Variants in FNBP4 observed in about 807,000 individuals in gnomAD.
FNBP4 encodes formin binding protein 4.
Under a neutral mutation model 119.3 loss-of-function variants are expected in FNBP4, and 34 were observed. The observed-to-expected ratio is 0.28, with a 90% CI of 0.22 to 0.38. The LOEUF is 0.38. Ranked by LOEUF, FNBP4 falls within the 10% of genes least tolerant of loss-of-function variation. The pLI, the probability that FNBP4 is intolerant of heterozygous loss-of-function variation, is 1.00. For missense variants in FNBP4, 1,112 were observed against 1,228.9 expected, an observed-to-expected ratio of 0.90 and a Z score of 1.42; for synonymous variants, 462 against 430.6, an observed-to-expected ratio of 1.07 and a Z score of -0.90.
intron 2 of FNBP4, among the ~76,000 whole-genome samples, chr11:47,760,662 G>A (rs1486996747): frequency 6.6e-6 from 1 of 152,016 alleles, no homozygotes; most frequent in African/African-American, 2.4e-5. Flanking sequence ...TAGAACTCCC[G>A]ACCTCAGGTG....
At chr11:47,728,407 A>G (rs1599169995) in intron 12 of FNBP4, among the ~76,000 whole-genome samples, 2 of 151,618 alleles carry the variant, frequency 1.3e-5, no homozygotes, top group African/African-American at 4.8e-5. Context: ...CCGCCACGAC[A>G]CCTGGCTAAT....
At chr11:47,758,000 G>A (rs989839455) in intron 2 of FNBP4, among the ~76,000 whole-genome samples, 1 of 152,154 alleles carries the variant, frequency 6.6e-6, no homozygotes, top group Non-Finnish European at 1.5e-5. Context: ...ATTTTATGCA[G>A]AGATGGAATC....
In FNBP4 at chr11:47,750,991, T is replaced by A; in HGVS notation, c.831A>T (p.Ile277=). 6.2e-7 allele frequency: 1 copy of A among 1,614,052 alleles called. No individual in the cohort carries two copies. Among genetic ancestry groups the A allele is most frequent in the East Asian group, 2.2e-5 (1 of 44,866 alleles). Residue 277 remains isoleucine, a synonymous_variant, in exon 6 of 17, where the codon ATA becomes ATT. Transcript: ENST00000263773. ...CAGAAATCGTTTTCTCCTTAGAATA[T>A]ATGTCTGTATTTACCACAAAACTAG... The part of the protein sequence containing the change: ...AETSFVVNTD[I]YSKEKTISVS...
In FNBP4 at chr11:47,723,765, G is replaced by A. The variant is rs376350147; in HGVS notation, c.2464+263C>T. Among the ~76,000 whole-genome samples, 14 of 152,062 alleles carry A rather than the reference G, an allele frequency of 9.2e-5. 1 individual carries two copies. In the East Asian group the frequency reaches 2.5e-3, roughly 27 times the overall value. On this transcript the variant is annotated intron_variant, in intron 14 of 16. Coordinates refer to ENST00000263773, the MANE Select transcript of FNBP4 (RefSeq NM_015308.5). Reference sequence around the variant, plus strand: ...TTTTTTGTAGACAGGCTTTTGCCGTGTTGCCCAGGCTGGTCTCCAACTCCT... The same window carrying A: ...TTTTTTGTAGACAGGCTTTTGCCGTATTGCCCAGGCTGGTCTCCAACTCCT...
intron 16 of FNBP4, among the ~76,000 whole-genome samples, 189 bp downstream of exon 16, chr11:47,719,740 G>C (rs1355194790): frequency 2.0e-5 from 3 of 152,000 alleles, no homozygotes; most frequent in African/African-American, 4.8e-5. Flanking sequence ...TTGAAAAAAG[G>C]CTAGCCCATA....
chr11:47,726,564 C>G (rs1056431137), intron 12 of FNBP4: 13 of 152,036 alleles, frequency 8.6e-5, no homozygotes, highest in African/African-American at 3.1e-4. Flanking sequence ...TTTAAGACAG[C>G]TGCTTACTGC....
intron 6 of FNBP4, among the ~76,000 whole-genome samples, chr11:47,749,543 A>T (rs1031398308): frequency 6.6e-6 from 1 of 152,166 alleles, no homozygotes; most frequent in Non-Finnish European, 1.5e-5. Flanking sequence ...GTAACCAAGC[A>T]AGACTCTGTC....
At chr11:47,721,045 G>A (rs1332099356) in intron 15 of FNBP4, among the ~76,000 whole-genome samples, 2 of 151,828 alleles carry the variant, frequency 1.3e-5, no homozygotes, top group Non-Finnish European at 2.9e-5. Flanking sequence ...TAAAAATATC[G>A]GCTGGGCACG....
chr11:47,763,746 T>C (rs1348345555), intron 2 of FNBP4, among the ~76,000 whole-genome samples: 1 of 152,032 alleles, frequency 6.6e-6, no homozygotes, highest in East Asian at 1.9e-4. Flanking sequence ...ATTATCCACC[T>C]GCCTCGGCCT....
Position 47,723,297 on chromosome 11 carries a change from A to G in FNBP4, c.2484T>C (p.Ile828=), listed in dbSNP as rs780328249. Residue 828 remains isoleucine (I), a synonymous_variant, in exon 15 of 17, where the codon ATT becomes ATC. Coordinates refer to ENST00000263773, the MANE Select transcript of FNBP4 (RefSeq NM_015308.5). ...AIATGHQAAG[I]GNQATGIGHQ... ...GTCCAATTCCTGTTGCCTGGTTTCC[A>G]ATCCCTGCTGCCTGGTGACCTAACA... 1 of 1,610,764 alleles carries G rather than the reference A, an allele frequency of 6.2e-7. No individual in the cohort carries two copies. Among genetic ancestry groups the G allele is most frequent in the African/African-American group, 1.3e-5 (1 of 74,986 alleles).
chr11:47,760,948 A>G (rs1437973023), intron 2 of FNBP4, among the ~76,000 whole-genome samples: 3 of 152,236 alleles, frequency 2.0e-5, no homozygotes, highest in Admixed American at 2.0e-4. Context: ...CTTTGAGACT[A>G]TAATACCAAG....
chr11:47,747,622 G>GT (rs2097593183), intron 6 of FNBP4, among the ~76,000 whole-genome samples: 3 of 152,086 alleles, frequency 2.0e-5, no homozygotes, highest in Non-Finnish European at 2.9e-5. Flanking sequence ...AGAAAATTTA[G>GT]TAAGTATGCC....
At chr11:47,739,690 C>A (rs115274936) in intron 8 of FNBP4, among the ~76,000 whole-genome samples, 2 of 152,106 alleles carry the variant, frequency 1.3e-5, no homozygotes, top group African/African-American at 2.4e-5. Context: ...TTTGGGGGAG[C>A]GAGGCAGGAG....
chr11:47,722,850 CAA>C, intron 15 of FNBP4, 124 bp downstream of exon 15: 1 of 1,143,944 alleles, frequency 8.7e-7, no homozygotes, highest in Non-Finnish European at 1.2e-6. Flanking sequence ...CTCGGCCTCC[CAA>C]AGTGCTGGGA....
rs754291716 is a variant in FNBP4, at chr11:47,754,692, G to C, written c.314-28C>G. 1.9e-6 allele frequency: 3 copies of C among 1,608,644 alleles called. No homozygotes were observed. In the Admixed American group the frequency reaches 5.1e-5, roughly 28 times the overall value. ...AGAAACAAAAAGGTAAACAGTATTT[G>C]TAACAACAATGTCAATATGTCCTAA... On this transcript the variant is annotated intron_variant, in intron 2 of 16. Transcript: ENST00000263773.
intron 6 of FNBP4, among the ~76,000 whole-genome samples, chr11:47,749,096 A>C (rs919996157): frequency 2.0e-5 from 3 of 149,280 alleles, no homozygotes; most frequent in African/African-American, 7.4e-5. Flanking sequence ...CGTCTCTCAA[A>C]AAACAAACAA....
intron 2 of FNBP4, among the ~76,000 whole-genome samples, chr11:47,764,591 A>G (rs1260886205): frequency 1.3e-5 from 2 of 151,944 alleles, no homozygotes; most frequent in Non-Finnish European, 2.9e-5. Flanking sequence ...TTAAGCATCA[A>G]ATAGTACAAA....
intron 6 of FNBP4, among the ~76,000 whole-genome samples, chr11:47,749,510 C>T (rs1209973410): frequency 2.0e-5 from 3 of 152,016 alleles, no homozygotes; most frequent in Admixed American, 6.6e-5. Flanking sequence ...GAGCTGAAAT[C>T]GCGCCACTCC....
intron 8 of FNBP4, among the ~76,000 whole-genome samples, chr11:47,740,699 T>C (rs1294878597): frequency 3.3e-5 from 5 of 151,620 alleles, no homozygotes; most frequent in Non-Finnish European, 7.4e-5. Flanking sequence ...GTTCAGGTGA[T>C]TTCCTGCCTC....
Sources: allele counts gnomAD v4.1 joint callset (sites outside exome capture counted in the v4.1 genomes callset), GRCh38; gene constraint gnomAD v4.1.1; transcripts MANE v1.5; gene names NCBI Gene and HGNC (gene_info 2026-07-23, HGNC 2026-07-21).